Variants in BPIFC observed in about 807,000 individuals in gnomAD.
The protein encoded by BPIFC is BPI fold-containing family C protein.
In BPIFC, 60 loss-of-function variants were observed where a neutral mutation model predicts 57.6. The observed-to-expected ratio is 1.04, with a 90% CI of 0.85 to 1.29. The LOEUF (loss-of-function observed/expected upper bound fraction) is 1.29, where lower values mean the gene tolerates loss of function less well. Among genes scored for constraint, BPIFC ranks in the 50% most tolerant of loss-of-function variants. The pLI is 0.00. For missense variants in BPIFC, 581 were observed against 600.5 expected, an observed-to-expected ratio of 0.97 and a Z score of 0.34; for synonymous variants, 243 against 224.5, an observed-to-expected ratio of 1.08 and a Z score of -0.74.
intron 1 of BPIFC, among the ~76,000 whole-genome samples, chr22:32,463,715 C>T (rs5998500): frequency 0.61 from 92,528 of 152,058 alleles, 28,383 homozygotes; most frequent in African/African-American, 0.69. Context: ...ACAAAATGAC[C>T]GTACATAAGA....
chr22:32,446,959 A>T, intron 5 of BPIFC: 2 of 424,094 alleles, frequency 4.7e-6, no homozygotes, highest in Non-Finnish European at 6.3e-6. Context: ...ATAGTCAGGG[A>T]CTTCTAGTTC....
intron 13 of BPIFC, among the ~76,000 whole-genome samples, chr22:32,428,788 A>G (rs1243831575): frequency 6.6e-6 from 1 of 151,990 alleles, no homozygotes; most frequent in African/African-American, 2.4e-5. Flanking sequence ...AATCCCAGCT[A>G]CTTGGCGGGC....
chr22:32,414,211 A>C lies in BPIFC; in HGVS notation c.*92T>G. ...CCTAAGCAATTCACAAGGGCTTTAC[A>C]ATTCCAGTGTGTACTGTCTTTCCCT... On this transcript the variant is annotated 3_prime_UTR_variant, in exon 17 of 17. Transcript: ENST00000300399. 1 of 1,506,182 alleles carries C rather than the reference A, an allele frequency of 6.6e-7. No individual in the cohort carries two copies. The highest frequency in any genetic ancestry group is 8.9e-7 in the Non-Finnish European group (1 of 1,121,536). The allele number at this position is 1,506,182 out of a possible 1,614,324, so 93.3% of individuals were successfully genotyped here.
At chr22:32,429,519 T>TTTG (rs1556038277) in intron 13 of BPIFC, among the ~76,000 whole-genome samples, 2 of 102,962 alleles carry the variant, frequency 1.9e-5, no homozygotes, top group African/African-American at 6.2e-5. Flanking sequence ...GTTTTTTTTT[T>TTTG]TTTTTTTTTT....
chr22:32,439,143 C>T (rs1402553240), intron 8 of BPIFC, among the ~76,000 whole-genome samples: 8 of 151,560 alleles, frequency 5.3e-5, no homozygotes, highest in African/African-American at 1.9e-4. Flanking sequence ...CTGACCAACA[C>T]GGAGAAACCC....
At chr22:32,438,725 C>A (rs1004752185) in intron 8 of BPIFC, among the ~76,000 whole-genome samples, 2 of 152,014 alleles carry the variant, frequency 1.3e-5, no homozygotes, top group African/African-American at 4.8e-5. Context: ...GAAATTAGTA[C>A]AAACACAAAA....
chr22:32,457,541 C>G (rs1437921428), intron 2 of BPIFC, among the ~76,000 whole-genome samples, 155 bp from the exon 3 acceptor site: 1 of 147,292 alleles, frequency 6.8e-6, no homozygotes, highest in Non-Finnish European at 1.5e-5. Flanking sequence ...ATCCATCCAT[C>G]CATCCAACCA....
chr22:32,432,659 A>G, intron 11 of BPIFC, 116 bp from the exon 12 acceptor site: 1 of 993,152 alleles, frequency 1.0e-6, no homozygotes, highest in Non-Finnish European at 1.5e-6. Flanking sequence ...TAGAATAGAA[A>G]AAAAGCTCTT....
intron 16 of BPIFC, among the ~76,000 whole-genome samples, chr22:32,415,411 G>A (rs1933643882): frequency 1.3e-5 from 2 of 152,194 alleles, no homozygotes; most frequent in African/African-American, 4.8e-5. Context: ...AAGAAAAAAA[G>A]GTATTCTGAA....
chr22:32,431,375 T>C lies in BPIFC; in HGVS notation c.1189A>G (p.Arg397Gly), dbSNP rs754132905. The C allele has an allele frequency of 6.2e-7, 1 of 1,602,752 alleles. No homozygotes were observed. The highest frequency in any genetic ancestry group is 1.1e-5 in the South Asian group (1 of 90,878). Residue 397 changes from arginine (R) to glycine (G), a missense_variant, in exon 13 of 17, where the codon AGA (arginine) becomes GGA (glycine). Arg to Gly is a moderately radical substitution (Grantham distance 125). Coordinates refer to ENST00000300399, the MANE Select transcript of BPIFC (RefSeq NM_174932.3). ...TSVGLVILGQ[R>G]LVCSLSLNRF... ...TTCAGAGACAAGGAGCAGACCAGTCTTTGTCCCAAAATAACCAGGCCAACA... is the reference window on the plus strand; with the variant it reads ...TTCAGAGACAAGGAGCAGACCAGTCCTTGTCCCAAAATAACCAGGCCAACA...
At chr22:32,429,804 C>T (rs567274498) in intron 13 of BPIFC, among the ~76,000 whole-genome samples, 4 of 152,080 alleles carry the variant, frequency 2.6e-5, no homozygotes, top group South Asian at 2.1e-4. Context: ...TGTGAGCGAC[C>T]GCGCCTGGCC....
intron 7 of BPIFC, among the ~76,000 whole-genome samples, chr22:32,443,816 T>C (rs996330682): frequency 7.0e-4 from 106 of 152,228 alleles, no homozygotes; most frequent in African/African-American, 2.4e-3. Flanking sequence ...AAGTAATCCA[T>C]GTAAACTTGC....
chr22:32,420,141 C>T (rs529585273), intron 13 of BPIFC, among the ~76,000 whole-genome samples: 3 of 151,938 alleles, frequency 2.0e-5, no homozygotes, highest in Non-Finnish European at 2.9e-5. Context: ...CACGGTGAAA[C>T]CCCATCTCTA....
chr22:32,441,880 C>T (rs1193223764), intron 8 of BPIFC, among the ~76,000 whole-genome samples: 1 of 152,168 alleles, frequency 6.6e-6, no homozygotes, highest in Non-Finnish European at 1.5e-5. Flanking sequence ...CACCTCAGAT[C>T]ATCAGGCATT....
chr22:32,434,436 ACAT>A (rs1934337304), intron 10 of BPIFC, among the ~76,000 whole-genome samples: 3 of 149,228 alleles, frequency 2.0e-5, no homozygotes, highest in Admixed American at 1.3e-4. Context: ...ATCTATGTAT[ACAT>A]ATTATTTATA....
At chr22:32,432,747 A>G (rs1217963130) in intron 11 of BPIFC, among the ~76,000 whole-genome samples, 1 of 152,134 alleles carries the variant, frequency 6.6e-6, no homozygotes, top group Non-Finnish European at 1.5e-5. Context: ...GATACTACCC[A>G]CTGTGCCAGG....
chr22:32,417,191 T>G, intron 14 of BPIFC, 43 bp from the exon 15 acceptor site: 2 of 76,424 alleles, frequency 2.6e-5, no homozygotes, highest in African/African-American at 3.4e-4. Flanking sequence ...AGATCGGGCT[T>G]TTTTTTTTTT....
chr22:32,427,158 C>G (rs1821936102), intron 13 of BPIFC, among the ~76,000 whole-genome samples: 1 of 152,174 alleles, frequency 6.6e-6, no homozygotes, highest in African/African-American at 2.4e-5. Context: ...AGAATGAATT[C>G]ACACATTTCC....
chr22:32,426,909 A>G (rs947324552), intron 13 of BPIFC, among the ~76,000 whole-genome samples: 15 of 151,732 alleles, frequency 9.9e-5, no homozygotes, highest in Admixed American at 2.6e-4. Context: ...AAAAAGAAAG[A>G]AAGAAAAAAG....
Sources: allele counts gnomAD v4.1 joint callset (sites outside exome capture counted in the v4.1 genomes callset), GRCh38; gene constraint gnomAD v4.1.1; transcripts MANE v1.5; gene names NCBI Gene and HGNC (gene_info 2026-07-23, HGNC 2026-07-21).